The following MREG variants were observed in gnomAD, a reference collection of about 807,000 sequenced individuals.
MREG encodes melanoregulin.
A neutral mutation model predicts 28.5 loss-of-function variants in MREG; 31 were observed. The ratio of observed to expected loss-of-function variants is 1.09; its 90% CI spans 0.82 to 1.47. The LOEUF (loss-of-function observed/expected upper bound fraction) is 1.47. MREG is among the 40% of genes most tolerant of loss of function. The pLI, the probability that MREG is intolerant of heterozygous loss-of-function variation, is 0.00. For synonymous variants in MREG, 106 were observed against 95.2 expected, an observed-to-expected ratio of 1.11 and a Z score of -0.66; for missense variants, 256 against 257.4, an observed-to-expected ratio of 0.99 and a Z score of 0.04.
At chr2:216,004,118 C>T (rs1284970072) in intron 1 of MREG, among the ~76,000 whole-genome samples, 1 of 152,156 alleles carries the variant, frequency 6.6e-6, no homozygotes, top group Non-Finnish European at 1.5e-5. Context: ...GACCTCAGGG[C>T]CCTTGCACTG....
chr2:215,983,402 A>G (rs1178998500), intron 2 of MREG, among the ~76,000 whole-genome samples: 1 of 152,192 alleles, frequency 6.6e-6, no homozygotes, highest in Non-Finnish European at 1.5e-5. Context: ...CCAATATTCC[A>G]ATCAACTCTG....
chr2:215,996,182 T>C, intron 2 of MREG, 124 bp downstream of exon 2: 1 of 1,021,094 alleles, frequency 9.8e-7, no homozygotes, highest in Non-Finnish European at 1.4e-6. Flanking sequence ...CTAAAATACC[T>C]GCCCTTCATT....
At chr2:216,018,658 A>G (rs948584232) in intron 1 of MREG, among the ~76,000 whole-genome samples, 1 of 152,234 alleles carries the variant, frequency 6.6e-6, no homozygotes, top group Non-Finnish European at 1.5e-5. Context: ...AAGATAGAGA[A>G]GCAACATGCC....
At chr2:215,994,034 C>G (rs1693791590) in intron 2 of MREG, among the ~76,000 whole-genome samples, 1 of 151,868 alleles carries the variant, frequency 6.6e-6, no homozygotes, top group Admixed American at 6.6e-5. Flanking sequence ...ACCAGAAATA[C>G]CATTTGACCC....
intron 1 of MREG, among the ~76,000 whole-genome samples, chr2:216,001,534 C>T (rs1362162669): frequency 6.6e-6 from 1 of 152,244 alleles, no homozygotes. Context: ...CCCTCTGCCT[C>T]TCCAGACCCA....
intron 2 of MREG, among the ~76,000 whole-genome samples, chr2:215,971,237 C>T (rs1693086346): frequency 6.6e-6 from 1 of 152,162 alleles, no homozygotes; most frequent in Admixed American, 6.5e-5. Flanking sequence ...AGCAAACCAC[C>T]ATGGCACATG....
intron 1 of MREG, among the ~76,000 whole-genome samples, chr2:216,020,858 T>C (rs1459660736): frequency 6.6e-6 from 1 of 152,286 alleles, no homozygotes; most frequent in East Asian, 1.9e-4. Context: ...AAGAGGAACG[T>C]CAGACTCCCA....
intron 1 of MREG, among the ~76,000 whole-genome samples, chr2:216,018,831 A>G (rs186799208): frequency 1.1e-4 from 16 of 152,356 alleles, no homozygotes; most frequent in African/African-American, 2.9e-4. Flanking sequence ...CATGCCCCCA[A>G]TTCAATAGGC....
chr2:216,014,606 G>C (rs1415752899), upstream of MREG, among the ~76,000 whole-genome samples: 1 of 150,406 alleles, frequency 6.6e-6, no homozygotes, highest in African/African-American at 2.5e-5. Context: ...CCGAGATCAC[G>C]CCACTGCACT....
At chr2:215,973,477 C>A (rs972682847) in intron 2 of MREG, among the ~76,000 whole-genome samples, 10 of 152,208 alleles carry the variant, frequency 6.6e-5, no homozygotes, top group African/African-American at 2.4e-4. Context: ...GCCTCTCCCT[C>A]CTTACAAGCT....
intron 2 of MREG, among the ~76,000 whole-genome samples, chr2:215,976,926 C>T (rs566413926): frequency 1.1e-3 from 173 of 152,242 alleles, no homozygotes; most frequent in African/African-American, 3.9e-3. Context: ...TGCAAAAACA[C>T]GCCAAATTGT....
At chr2:216,027,803 A>G (rs1434958308) in intron 1 of MREG, among the ~76,000 whole-genome samples, 2 of 152,232 alleles carry the variant, frequency 1.3e-5, no homozygotes, top group Non-Finnish European at 2.9e-5. Context: ...CATTCTGAAC[A>G]AGAGTCAAGC....
At chr2:215,961,305 G>A (rs1404722393) in intron 2 of MREG, among the ~76,000 whole-genome samples, 1 of 152,196 alleles carries the variant, frequency 6.6e-6, no homozygotes, top group African/African-American at 2.4e-5. Flanking sequence ...ATGAAAATGA[G>A]CCTTTTTGGC....
chr2:215,994,303 A>G (rs1335391539), intron 2 of MREG, among the ~76,000 whole-genome samples: 1 of 151,854 alleles, frequency 6.6e-6, no homozygotes, highest in Admixed American at 6.6e-5. Context: ...TCAGCAAACT[A>G]ACACAGGAAC....
At chr2:215,968,723 C>T (rs75838719) in intron 2 of MREG, among the ~76,000 whole-genome samples, 230 of 152,234 alleles carry the variant, frequency 1.5e-3, no homozygotes, top group Non-Finnish European at 2.3e-3. Flanking sequence ...TAATTGGTAA[C>T]TTAATTTTTT....
intron 1 of MREG, among the ~76,000 whole-genome samples, chr2:215,996,849 C>T (rs1015720895): frequency 6.6e-6 from 1 of 152,042 alleles, no homozygotes; most frequent in Non-Finnish European, 1.5e-5. Context: ...GGCACGACCT[C>T]AGCTCACTAC....
chr2:215,982,157 C>T (rs565100106), intron 2 of MREG, among the ~76,000 whole-genome samples: 7 of 152,020 alleles, frequency 4.6e-5, no homozygotes, highest in Non-Finnish European at 8.8e-5. Context: ...CCTGTCTCTA[C>T]TGAAAATACA....
intron 2 of MREG, among the ~76,000 whole-genome samples, chr2:215,961,236 G>A (rs757910455): frequency 2.0e-5 from 3 of 152,226 alleles, no homozygotes; most frequent in Non-Finnish European, 4.4e-5. Context: ...TAGCTTGGAT[G>A]TCTCACCACT....
In MREG at chr2:216,006,864, C is replaced by A. The variant is rs200640837; in HGVS notation, c.95+6369G>T. ...CTCCCTTACCCCCACCCTTCTTTCCCACTGGCACCTGGTTTCCCTAGCTTC... is the reference window on the plus strand; with the variant it reads ...CTCCCTTACCCCCACCCTTCTTTCCAACTGGCACCTGGTTTCCCTAGCTTC... On this transcript the variant is annotated intron_variant, in intron 1 of 4. Coordinates refer to ENST00000263268, the MANE Select transcript of MREG (RefSeq NM_018000.3). 5.3e-5 allele frequency among the ~76,000 whole-genome samples: 8 copies of A among 152,304 alleles called. No homozygotes were observed. In the East Asian group the frequency reaches 1.5e-3, roughly 29 times the overall value.
Sources: gnomAD v4.1 joint callset for allele counts (sites outside exome capture counted in the v4.1 genomes callset) on GRCh38, gnomAD v4.1.1 for gene constraint, MANE v1.5 for transcripts, NCBI Gene and HGNC (gene_info 2026-07-23, HGNC 2026-07-21) for gene names.